Variants in TLCD3B observed in about 807,000 individuals in gnomAD.
The protein encoded by TLCD3B is TLC domain containing 3B.
A neutral mutation model predicts 23.0 loss-of-function variants in TLCD3B; 9 were observed. The ratio of observed to expected loss-of-function variants is 0.39; its 90% CI spans 0.24 to 0.68. The LOEUF (loss-of-function observed/expected upper bound fraction) is 0.68. Ranked by LOEUF, TLCD3B falls within the 30% of genes least tolerant of loss-of-function variation. TLCD3B has a pLI of 0.44. For synonymous variants in TLCD3B, 161 were observed against 161.0 expected, an observed-to-expected ratio of 1.00 and a Z score of 0.00; for missense variants, 307 against 371.8, an observed-to-expected ratio of 0.83 and a Z score of 1.43.
rs150951686 is a variant in TLCD3B, at chr16:30,029,017, A to G, written c.209+415T>C. Among the ~76,000 whole-genome samples, 424 of 152,178 alleles carry G rather than the reference A, an allele frequency of 2.8e-3. No homozygotes were observed. The highest frequency in any genetic ancestry group is 4.4e-3 in the Non-Finnish European group (302 of 68,002). ...CTCTCCCTTGTCCTCTCCCTCAGGC[A>G]TGGAGTGGATGCCGGATGCCTGGAT... On this transcript the variant is annotated intron_variant, in intron 2 of 4. Transcript: ENST00000380495. The surrounding 1 kb of genome is among the most constrained non-coding windows in gnomAD (Gnocchi z 4.6).
chr16:30,030,517 G>A lies in TLCD3B; in HGVS notation c.11C>T (p.Pro4Leu), dbSNP rs776123041. The part of the protein sequence containing the change: MLT[P>L]MVAGGVVFPG... ...GAACACCACCCCCCCGGCCACCATCGGGGTCAGCATGGTGGCTCAGGACTT... is the reference window on the plus strand; with the variant it reads ...GAACACCACCCCCCCGGCCACCATCAGGGTCAGCATGGTGGCTCAGGACTT... Residue 4 changes from proline (P) to leucine (L), a missense_variant, in exon 1 of 5, where the codon CCG (proline) becomes CTG (leucine). Physicochemically the swap from Pro to Leu is moderately conservative, Grantham distance 98. Coordinates refer to ENST00000380495, the MANE Select transcript of TLCD3B (RefSeq NM_031478.6). 16 of 1,587,584 alleles carry A rather than the reference G, an allele frequency of 1.0e-5. No individual in the cohort carries two copies. The highest frequency in any genetic ancestry group is 1.9e-5 in the Admixed American group (1 of 52,612).
chr16:30,045,092 C>CAAAAAAAAAAAAAAAAAAA (rs1162281544), intron 2 of TLCD3B, among the ~76,000 whole-genome samples: 2 of 22,226 alleles, frequency 9.0e-5, no homozygotes, highest in African/African-American at 4.1e-4. Flanking sequence ...GACTCCATCT[C>CAAAAAAAAAAAAAAAAAAA]AAAAAAAAAA....
intron 1 of TLCD3B, among the ~76,000 whole-genome samples, chr16:30,047,090 A>G (rs2071685121): frequency 6.6e-6 from 1 of 151,914 alleles, no homozygotes; most frequent in African/African-American, 2.4e-5. Flanking sequence ...CCTCCTAAGT[A>G]GCTAGAATTA....
In TLCD3B at chr16:30,029,903, C is replaced by T. The variant is rs561045055; in HGVS notation, c.126-388G>A. 1.2e-4 allele frequency among the ~76,000 whole-genome samples: 18 copies of T among 152,280 alleles called. No homozygotes were observed. Among genetic ancestry groups the T allele is most frequent in the Admixed American group, 5.2e-4 (8 of 15,302 alleles). Reference sequence around the variant, plus strand: ...GCCCCGCTTAGCTGTCCAGTCATGACGCAGGCCTCACTCTGGACCCTTTGT... The same window carrying T: ...GCCCCGCTTAGCTGTCCAGTCATGATGCAGGCCTCACTCTGGACCCTTTGT... On this transcript the variant is annotated intron_variant, in intron 1 of 4. Coordinates refer to ENST00000380495, the MANE Select transcript of TLCD3B (RefSeq NM_031478.6). The surrounding 1 kb of genome is among the most constrained non-coding windows in gnomAD (Gnocchi z 4.6).
At position 30,025,915 on chromosome 16, in the gene TLCD3B, G is replaced by A. The variant is rs1408878544; in HGVS notation, c.445-94C>T. On this transcript the variant is annotated intron_variant, in intron 3 of 4. Coordinates refer to ENST00000380495, the MANE Select transcript of TLCD3B (RefSeq NM_031478.6). The surrounding 1 kb of genome is among the most constrained non-coding windows in gnomAD (Gnocchi z 4.1). The stretch of plus-strand genomic sequence containing the variant: ...CTCTTTCCCCTCTGTCACTTTGGGA[G>A]ATGCTTGACTCTGAACATCAGAACA... 2.1e-6 allele frequency: 2 copies of A among 955,530 alleles called. No homozygotes were observed. The highest frequency in any genetic ancestry group is 4.8e-5 in the East Asian group (2 of 41,406). 59.2% of individuals were successfully genotyped at this position (955,530 alleles called of 1,614,324 possible). A position where few individuals can be genotyped will look rare whatever the true frequency, so the allele number is the denominator to read the frequency against.
intron 3 of TLCD3B, among the ~76,000 whole-genome samples, chr16:30,038,879 A>C (rs7190269): frequency 0.77 from 116,383 of 152,118 alleles, 45,808 homozygotes; most frequent in East Asian, 0.95. Flanking sequence ...AGGTTTGGTA[A>C]CTTGTCCAAG....
At chr16:30,030,043 G>C in intron 1 of TLCD3B, 1 of 1,341,454 alleles carries the variant, frequency 7.5e-7, no homozygotes, top group African/African-American at 1.5e-5. Flanking sequence ...CTCCATCCCT[G>C]GCCCCCAAAC....
At chr16:30,049,854 G>C (rs2071724173) in intron 1 of TLCD3B, among the ~76,000 whole-genome samples, 1 of 151,926 alleles carries the variant, frequency 6.6e-6, no homozygotes, top group Non-Finnish European at 1.5e-5. Flanking sequence ...AACTTGGGAG[G>C]CAGAGGTTGC....
chr16:30,052,974 C>G (rs1413254951), exon 1 of TLCD3B: 1 of 152,246 alleles, frequency 6.6e-6, no homozygotes, highest in Non-Finnish European at 1.5e-5. Flanking sequence ...CCTTCGCTCC[C>G]CGCGAGAAAG....
intron 2 of TLCD3B, among the ~76,000 whole-genome samples, chr16:30,045,518 G>GTATT (rs2071655913): frequency 7.1e-6 from 1 of 141,838 alleles, no homozygotes; most frequent in African/African-American, 2.6e-5. Flanking sequence ...TGTGTGTGTG[G>GTATT]TGTGTGTGGT....
In TLCD3B at chr16:30,026,954, G is replaced by T. The variant is rs1053347423; in HGVS notation, c.210-111C>A. ...GCCCTGGACAGGAGCGGAGTCTTGG[G>T]TACAGATGAGGGATCCAGAGGGTAG... On this transcript the variant is annotated intron_variant, in intron 2 of 4. Transcript: ENST00000380495. 4.5e-6 allele frequency: 4 copies of T among 880,524 alleles called. No homozygotes were observed. In the African/African-American group the frequency reaches 5.0e-5, roughly 11 times the overall value. 54.5% of individuals were successfully genotyped at this position (880,524 alleles called of 1,614,324 possible).
At chr16:30,042,117 C>A (rs1029853575) in intron 2 of TLCD3B, among the ~76,000 whole-genome samples, 2 of 152,132 alleles carry the variant, frequency 1.3e-5, no homozygotes, top group Non-Finnish European at 2.9e-5. Context: ...ATATCTTTTC[C>A]ATATTAAAAA....
chr16:30,048,138 G>A (rs1466989164), intron 1 of TLCD3B, among the ~76,000 whole-genome samples: 12 of 119,826 alleles, frequency 1.0e-4, no homozygotes, highest in South Asian at 2.9e-4. Context: ...GTGAAACTTC[G>A]CCTCCAAAAG....
At chr16:30,027,321 T>A (rs2071190866) in intron 2 of TLCD3B, 2 of 390,802 alleles carry the variant, frequency 5.1e-6, no homozygotes, top group African/African-American at 4.2e-5. Flanking sequence ...AAACTTCCCA[T>A]GCATAGCCTT....
rs927446382 is a variant in TLCD3B, at chr16:30,029,609, G to A, written c.126-94C>T. ...TGCTAGTCTAACGACTGCGCTTTGC[G>A]TTCAGCCACTTCTCGGGCCAGTCCT... On this transcript the variant is annotated intron_variant, in intron 1 of 4. Coordinates refer to ENST00000380495, the MANE Select transcript of TLCD3B (RefSeq NM_031478.6). This position sits in a 1 kb window ranked among gnomAD's most constrained non-coding sequence, Gnocchi z 4.6. The A allele has an allele frequency of 3.4e-5, 37 of 1,098,526 alleles. 1 individual carries two copies. The highest frequency in any genetic ancestry group is 1.5e-4 in the East Asian group (6 of 38,890). 68.0% of individuals were successfully genotyped at this position (1,098,526 alleles called of 1,614,324 possible). A position where few individuals can be genotyped will look rare whatever the true frequency, so the allele number is the denominator to read the frequency against.
At position 30,025,297 on chromosome 16, in the gene TLCD3B, G is replaced by A. The variant is rs752491244; in HGVS notation, c.711C>T (p.Gly237=). 45 of 1,555,736 alleles carry A rather than the reference G, an allele frequency of 2.9e-5. No homozygotes were observed. The highest frequency in any genetic ancestry group is 3.7e-5 in the Non-Finnish European group (43 of 1,149,632). Reference sequence around the variant, plus strand: ...GCTGAGGGGCCAGGAGCAGCGCAGCGCCCAGGTTGACGTGGGCAGGGATGG... The same window carrying A: ...GCTGAGGGGCCAGGAGCAGCGCAGCACCCAGGTTGACGTGGGCAGGGATGG... The part of the protein sequence containing the change: ...PLAIPAHVNL[G]AALLLAPQLY... The change falls in exon 5 of 5, where the codon GGC becomes GGT. Residue 237 remains glycine, a synonymous_variant. Transcript: ENST00000380495. This position sits in a 1 kb window ranked among gnomAD's most constrained non-coding sequence, Gnocchi z 4.1.
At chr16:30,052,730 T>C (rs1018501747) in intron 1 of TLCD3B, 1 of 150,874 alleles carries the variant, frequency 6.6e-6, no homozygotes, top group Non-Finnish European at 1.5e-5. Flanking sequence ...AATAAATAAA[T>C]AAATAAATAT....
At chr16:30,030,298 C>T (rs2071315144) in intron 1 of TLCD3B, 105 bp downstream of exon 1, 1 of 1,250,346 alleles carries the variant, frequency 8.0e-7, no homozygotes, top group South Asian at 1.4e-5. Flanking sequence ...CCCACAGGAG[C>T]TCCCAGTCCC....
chr16:30,028,164 C>G (rs974292198), intron 2 of TLCD3B, among the ~76,000 whole-genome samples: 6 of 152,186 alleles, frequency 3.9e-5, no homozygotes, highest in Non-Finnish European at 8.8e-5. Flanking sequence ...GCAGGCCCAG[C>G]AGAGGTGATG....
Sources: gnomAD v4.1 joint callset for allele counts (sites outside exome capture counted in the v4.1 genomes callset) on GRCh38, gnomAD v4.1.1 for gene constraint, Gnocchi (gnomAD v3.1) non-coding constraint, MANE v1.5 for transcripts, NCBI Gene and HGNC (gene_info 2026-07-23, HGNC 2026-07-21) for gene names.